The following ADAMTS3 variants were observed in gnomAD, a reference collection of about 807,000 sequenced individuals.
ADAMTS3 encodes the protein A disintegrin and metalloproteinase with thrombospondin motifs 3.
A neutral mutation model predicts 129.0 loss-of-function variants in ADAMTS3; 73 were observed. The observed-to-expected ratio is 0.57, with a 90% CI of 0.47 to 0.69. The LOEUF is 0.69. Ranked by LOEUF, ADAMTS3 falls within the 30% of genes least tolerant of loss-of-function variation. The pLI is 0.00. For synonymous variants in ADAMTS3, 477 were observed against 510.8 expected (o/e 0.93, Z 0.89); for missense variants, 1,457 against 1,514.5 (o/e 0.96, Z 0.63).
intron 3 of ADAMTS3, among the ~76,000 whole-genome samples, chr4:72,485,679 A>T (rs1719571624): frequency 6.6e-6 from 1 of 152,118 alleles, no homozygotes; most frequent in African/African-American, 2.4e-5. Context: ...TCCTAACCAT[A>T]CTTACATTGT....
intron 3 of ADAMTS3, among the ~76,000 whole-genome samples, chr4:72,536,032 C>T (rs1465175779): frequency 5.3e-5 from 8 of 152,160 alleles, no homozygotes; most frequent in African/African-American, 1.9e-4. Flanking sequence ...CTGTTTCCTA[C>T]AGCAGAGGTC....
At chr4:72,516,013 A>G (rs1236858749) in intron 3 of ADAMTS3, among the ~76,000 whole-genome samples, 1 of 152,202 alleles carries the variant, frequency 6.6e-6, no homozygotes, top group South Asian at 2.1e-4. Flanking sequence ...TAATTTTTGT[A>G]TAAGGTGTAA....
rs576230560 is a variant in ADAMTS3 at position 72,319,534 on chromosome 4, T to C, written c.1209-59A>G. The C allele has an allele frequency of 5.3e-4, 814 of 1,548,854 alleles. 3 individuals are homozygous for C. The Middle Eastern group carries it at 0.012, about 23-fold the overall frequency. On this transcript the variant is annotated intron_variant, in intron 8 of 21. Coordinates refer to ENST00000286657, the MANE Select transcript of ADAMTS3 (RefSeq NM_014243.3). ...AGGGGCTACTGCCTTCACTTAATTT[T>C]GGTTTTGAAAATAAGCCCTGGGAAA... is the stretch of plus-strand genomic sequence containing the variant.
intron 5 of ADAMTS3, among the ~76,000 whole-genome samples, chr4:72,329,272 T>C (rs567410783): frequency 1.3e-5 from 2 of 152,014 alleles, no homozygotes; most frequent in African/African-American, 4.8e-5. Flanking sequence ...AGTGACAAGA[T>C]AGAGGAGGAC....
At position 72,498,624 on chromosome 4, in the gene ADAMTS3, C is replaced by G. The variant is rs574781072; in HGVS notation, c.504+49854G>C. On this transcript the variant is annotated intron_variant, in intron 3 of 21. Transcript: ENST00000286657. Reference sequence around the variant, plus strand: ...CACCCTGAAATATTCAATATTCCCTCTCTCTCTCTCACTCTCTCTCTCTTT... The same window carrying G: ...CACCCTGAAATATTCAATATTCCCTGTCTCTCTCTCACTCTCTCTCTCTTT... Among the ~76,000 whole-genome samples, 9 of 150,154 alleles carry G rather than the reference C, an allele frequency of 6.0e-5. No individual in the cohort carries two copies. The South Asian group carries it at 1.9e-3, about 31-fold the overall frequency.
rs1010666913 is a variant in ADAMTS3 at position 72,414,128 on chromosome 4, T to TA, written c.661+686dup. Among the ~76,000 whole-genome samples the TA allele has an allele frequency of 2.2e-4, 33 of 148,758 alleles. No individual in the cohort carries two copies. The South Asian group carries it at 3.0e-3, about 13-fold the overall frequency. On this transcript the variant is annotated intron_variant, in intron 4 of 21. Transcript: ENST00000286657. Reference sequence around the variant, plus strand: ...ATGTAAAGACTTCTTGAGATTTGGTTAAAAAAAAAATAGATTCCTAAATTT... The same window carrying TA: ...ATGTAAAGACTTCTTGAGATTTGGTTAAAAAAAAAAATAGATTCCTAAATTT...
intron 3 of ADAMTS3, among the ~76,000 whole-genome samples, chr4:72,468,680 T>C (rs1036379405): frequency 2.0e-5 from 3 of 152,016 alleles, no homozygotes; most frequent in African/African-American, 4.8e-5. Flanking sequence ...CCATCCGTTA[T>C]TTCGAACAAC....
Position 72,568,757 on chromosome 4 carries a change from A to T in ADAMTS3, c.6T>A (p.Val2=). The T allele has an allele frequency of 1.9e-6, 3 of 1,613,784 alleles. No individual in the cohort carries two copies. Among genetic ancestry groups the T allele is most frequent in the Non-Finnish European group, 2.5e-6 (3 of 1,179,890 alleles). M[V]LLSLWLIAAA... is the part of the protein sequence containing the mutation. ...CTGCTATCAACCAAAGTGACAGGAG[A>T]ACCATCACGAGTCGAGTTCACTTTC... The change falls in exon 1 of 22, where the codon GTT becomes GTA. Residue 2 remains valine (V), a synonymous_variant. Coordinates refer to ENST00000286657, the MANE Select transcript of ADAMTS3 (RefSeq NM_014243.3).
chr4:72,471,249 C>T (rs1719064946), intron 3 of ADAMTS3, among the ~76,000 whole-genome samples: 1 of 152,160 alleles, frequency 6.6e-6, no homozygotes, highest in South Asian at 2.1e-4. Context: ...GTTAGCTTAA[C>T]AGACTCTCAA....
chr4:72,368,430 A>C (rs1325429714), intron 4 of ADAMTS3, among the ~76,000 whole-genome samples: 1 of 152,230 alleles, frequency 6.6e-6, no homozygotes, highest in African/African-American at 2.4e-5. Context: ...TTTTAAAAAA[A>C]GAAGAAATTA....
At chr4:72,482,685 T>C (rs949819807) in intron 3 of ADAMTS3, among the ~76,000 whole-genome samples, 1 of 152,156 alleles carries the variant, frequency 6.6e-6, no homozygotes, top group Non-Finnish European at 1.5e-5. Context: ...GAATCTATCA[T>C]TTCTTATAAC....
At chr4:72,427,213 C>G (rs1722595110) in intron 3 of ADAMTS3, among the ~76,000 whole-genome samples, 1 of 152,084 alleles carries the variant, frequency 6.6e-6, no homozygotes, top group African/African-American at 2.4e-5. Context: ...TCTCAACACC[C>G]CTTAGATCCC....
intron 3 of ADAMTS3, among the ~76,000 whole-genome samples, chr4:72,437,351 T>C (rs1159038912): frequency 1.3e-5 from 2 of 151,802 alleles, no homozygotes; most frequent in African/African-American, 2.4e-5. Flanking sequence ...ACCACGTACA[T>C]CGAAAATTTA....
rs1719382881 is a variant in ADAMTS3, at chr4:72,315,919, G to A, written c.1538C>T (p.Pro513Leu). ...KQLWCSHPDN[P>L]YFCKTKKGPP... ...TCCCTTTTTAGTCTTACAAAAGTAG[G>A]GATTATCAGGATGGCTACACCACAG... Residue 513 changes from proline to leucine, a missense_variant, in exon 11 of 22, where the codon CCC (proline) becomes CTC (leucine). Physicochemically the swap from Pro to Leu is moderately conservative, Grantham distance 98 (BLOSUM62 -3). Transcript: ENST00000286657. 1 of 1,613,226 alleles carries A rather than the reference G, an allele frequency of 6.2e-7. No individual in the cohort carries two copies. The highest frequency in any genetic ancestry group is 1.3e-5 in the African/African-American group (1 of 74,852).
At chr4:72,420,249 G>A (rs186513461) in intron 3 of ADAMTS3, among the ~76,000 whole-genome samples, 85 of 152,086 alleles carry the variant, frequency 5.6e-4, no homozygotes, top group African/African-American at 2.0e-3. Flanking sequence ...CACCTCTCCG[G>A]CCTCATCTGC....
intron 4 of ADAMTS3, among the ~76,000 whole-genome samples, chr4:72,413,300 T>TA (rs1470845594): frequency 6.6e-6 from 1 of 151,970 alleles, no homozygotes. Context: ...TATGCGTTCC[T>TA]AAAAAATATT....
chr4:72,561,432 G>A (rs542911937), intron 2 of ADAMTS3, among the ~76,000 whole-genome samples: 2 of 152,148 alleles, frequency 1.3e-5, no homozygotes, highest in East Asian at 3.9e-4. Context: ...CTGAGCTGGG[G>A]AGATCAAGGC....
At chr4:72,360,761 C>A (rs1720701623) in intron 4 of ADAMTS3, among the ~76,000 whole-genome samples, 1 of 152,032 alleles carries the variant, frequency 6.6e-6, no homozygotes, top group Non-Finnish European at 1.5e-5. Context: ...TTAAGCTATT[C>A]TTTCAAAATA....
At chr4:72,444,104 T>C (rs1263780105) in intron 3 of ADAMTS3, among the ~76,000 whole-genome samples, 1 of 151,796 alleles carries the variant, frequency 6.6e-6, no homozygotes, top group Non-Finnish European at 1.5e-5. Flanking sequence ...ACAGCTATTA[T>C]GTGTGTGTCT....
Sources: allele counts gnomAD v4.1 joint callset (sites outside exome capture counted in the v4.1 genomes callset), GRCh38; gene constraint gnomAD v4.1.1; transcripts MANE v1.5; gene names NCBI Gene and HGNC (gene_info 2026-07-23, HGNC 2026-07-21).